Variants in CRACD observed in about 807,000 individuals in gnomAD.
CRACD encodes the protein capping protein-inhibiting regulator of actin dynamics.
CRACD carries 56 observed loss-of-function variants against 106.8 expected under a neutral mutation model. The ratio of observed to expected loss-of-function variants is 0.52; its 90% CI spans 0.42 to 0.66. CRACD has a LOEUF of 0.66. Ranked by LOEUF, CRACD falls within the 30% of genes least tolerant of loss-of-function variation. CRACD has a pLI of 0.00. For synonymous variants in CRACD, 754 were observed against 670.8 expected (o/e 1.12, Z -1.92); for missense variants, 1,730 against 1,623.2 (o/e 1.07, Z -1.13).
intron 1 of CRACD, among the ~76,000 whole-genome samples, chr4:56,163,430 T>C (rs905675765): frequency 6.6e-6 from 1 of 152,218 alleles, no homozygotes; most frequent in Non-Finnish European, 1.5e-5. Context: ...AAATTGATGC[T>C]TGTCCTTTAA....
intron 2 of CRACD, among the ~76,000 whole-genome samples, chr4:56,248,625 G>T (rs1356334788): frequency 6.7e-6 from 1 of 149,724 alleles, no homozygotes; most frequent in Non-Finnish European, 1.5e-5. Flanking sequence ...TGCACATTGT[G>T]CAGGTTAGTT....
intron 1 of CRACD, among the ~76,000 whole-genome samples, chr4:56,163,497 C>T (rs59104632): frequency 0.059 from 8,875 of 151,364 alleles, 447 homozygotes; most frequent in African/African-American, 0.12. Context: ...TATAGAGTCC[C>T]CTTATGTTAA....
intron 8 of CRACD, among the ~76,000 whole-genome samples, chr4:56,319,682 C>T (rs1316997471): frequency 6.6e-6 from 1 of 152,008 alleles, no homozygotes; most frequent in Non-Finnish European, 1.5e-5. Context: ...TCTAATCTTT[C>T]TTTCTTAACT....
intron 3 of CRACD, among the ~76,000 whole-genome samples, chr4:56,289,936 C>T (rs1361210663): frequency 6.6e-6 from 1 of 152,216 alleles, no homozygotes; most frequent in African/African-American, 2.4e-5. Context: ...TTTGCTGGGC[C>T]TCAGCTTCTC....
intron 2 of CRACD, among the ~76,000 whole-genome samples, chr4:56,237,700 T>G: frequency 6.6e-6 from 1 of 150,418 alleles, no homozygotes. Flanking sequence ...AACTGAAATT[T>G]CTAGGTTAAA....
chr4:56,313,218 C>T lies in CRACD; in HGVS notation c.376C>T (p.Arg126Trp), dbSNP rs375254270. 125 of 1,613,970 alleles carry T rather than the reference C, an allele frequency of 7.7e-5. No homozygotes were observed. The highest frequency in any genetic ancestry group is 9.4e-5 in the Non-Finnish European group (111 of 1,180,000). The part of the protein sequence containing the change: ...EEKVAPVKPS[R>W]PKRHFSSAGT... ...ACAGGTTGCTCCCGTTAAACCGTCT[C>T]GGCCAAAAAGGCACTTCTCTTCTGC... Residue 126 changes from arginine to tryptophan, a missense_variant, in exon 7 of 11, where the codon CGG becomes TGG. By Grantham distance (101) the Arg-to-Trp change is moderately radical. Transcript: ENST00000682029.
At chr4:56,254,954 AAAT>A (rs1158653195) in intron 2 of CRACD, among the ~76,000 whole-genome samples, 3 of 151,740 alleles carry the variant, frequency 2.0e-5, no homozygotes, top group Non-Finnish European at 4.4e-5. Flanking sequence ...AAATACAAAA[AAAT>A]AATAATAATA....
At chr4:56,236,450 A>G (rs1024385697) in intron 2 of CRACD, among the ~76,000 whole-genome samples, 2 of 152,204 alleles carry the variant, frequency 1.3e-5, no homozygotes, top group Non-Finnish European at 2.9e-5. Flanking sequence ...CACAGTGGCT[A>G]AGGAAACTAA....
chr4:56,175,706 A>C (rs1736554385), intron 1 of CRACD, among the ~76,000 whole-genome samples: 1 of 152,152 alleles, frequency 6.6e-6, no homozygotes. Flanking sequence ...TCAGATGGAT[A>C]GTTTGCAAAT....
intron 2 of CRACD, among the ~76,000 whole-genome samples, chr4:56,229,628 A>G (rs1166755058): frequency 3.3e-5 from 5 of 152,208 alleles, no homozygotes; most frequent in Non-Finnish European, 5.9e-5. Flanking sequence ...CAAGCACAAT[A>G]AGAAATCCAC....
intron 1 of CRACD, among the ~76,000 whole-genome samples, chr4:56,165,512 G>A (rs958139153): frequency 6.6e-6 from 1 of 152,196 alleles, no homozygotes; most frequent in Non-Finnish European, 1.5e-5. Flanking sequence ...CACACAGTTA[G>A]TATGCAGCAG....
intron 2 of CRACD, among the ~76,000 whole-genome samples, chr4:56,213,612 A>G: frequency 6.6e-6 from 1 of 152,204 alleles, no homozygotes; most frequent in East Asian, 1.9e-4. Context: ...GGACAGAAAA[A>G]GGAAAGTGAC....
At chr4:56,091,491 A>T (rs1263375415) in intron 1 of CRACD, among the ~76,000 whole-genome samples, 1 of 152,114 alleles carries the variant, frequency 6.6e-6, no homozygotes, top group Non-Finnish European at 1.5e-5. Context: ...TTCCCAGGAT[A>T]GCCCATAAAT....
intron 1 of CRACD, among the ~76,000 whole-genome samples, chr4:56,136,548 T>C (rs1264546184): frequency 6.6e-6 from 1 of 152,252 alleles, no homozygotes; most frequent in Non-Finnish European, 1.5e-5. Context: ...GTGTGTTGTA[T>C]ATCTTCTTTG....
intron 1 of CRACD, among the ~76,000 whole-genome samples, chr4:56,141,677 G>C (rs1735201725): frequency 7.4e-6 from 1 of 135,374 alleles, no homozygotes; most frequent in South Asian, 2.5e-4. Context: ...AACTAAGGAA[G>C]TACTATTTTT....
At chr4:56,159,165 T>G (rs143980953) in intron 1 of CRACD, among the ~76,000 whole-genome samples, 261 of 152,370 alleles carry the variant, frequency 1.7e-3, no homozygotes, top group African/African-American at 5.8e-3. Flanking sequence ...AGGAAAAGTA[T>G]TCACAGGGGA....
At chr4:56,147,202 A>G (rs1735417826) in intron 1 of CRACD, among the ~76,000 whole-genome samples, 1 of 152,342 alleles carries the variant, frequency 6.6e-6, no homozygotes, top group Middle Eastern at 3.4e-3. Flanking sequence ...CAAGCACATA[A>G]TTAGATAAGC....
intron 2 of CRACD, among the ~76,000 whole-genome samples, chr4:56,249,247 G>A (rs1233099357): frequency 2.7e-3 from 397 of 147,656 alleles, no homozygotes; most frequent in Middle Eastern, 7.0e-3. Flanking sequence ...TTGTTTCCTG[G>A]CTTTTTAATG....
intron 2 of CRACD, among the ~76,000 whole-genome samples, chr4:56,189,526 C>G (rs938246947): frequency 5.7e-4 from 84 of 146,708 alleles, no homozygotes; most frequent in African/African-American, 2.0e-3. Flanking sequence ...TTAGGTATAT[C>G]TCCTAATGCT....
Sources: allele counts gnomAD v4.1 joint callset (sites outside exome capture counted in the v4.1 genomes callset), GRCh38; gene constraint gnomAD v4.1.1; transcripts MANE v1.5; gene names NCBI Gene and HGNC (gene_info 2026-07-23, HGNC 2026-07-21).